QTMAN: variants seen among roughly 807,000 people sequenced by gnomAD.
The protein encoded by QTMAN is queuosine-tRNA mannosyltransferase.
At chr2:144,122,257 A>C in the QTMAN span, among the ~76,000 whole-genome samples, 810 of 152,332 alleles carry the variant, frequency 5.3e-3, 7 homozygotes, top group African/African-American at 0.019. Flanking sequence ...CAGTACTTCT[A>C]TGCAATTTAT....
chr2:144,005,554 G>A, the QTMAN span, among the ~76,000 whole-genome samples: 1 of 151,990 alleles, frequency 6.6e-6, no homozygotes, highest in African/African-American at 2.4e-5. Flanking sequence ...TATATTACCC[G>A]TAAGGATGAA....
the QTMAN span, among the ~76,000 whole-genome samples, chr2:144,202,620 GT>G: frequency 6.6e-6 from 1 of 152,066 alleles, no homozygotes. Flanking sequence ...TTGGGGATGA[GT>G]TTTTTTCCCC....
At chr2:144,158,452 A>C in the QTMAN span, among the ~76,000 whole-genome samples, 2 of 151,874 alleles carry the variant, frequency 1.3e-5, no homozygotes, top group African/African-American at 4.8e-5. Context: ...AGAATGTAAC[A>C]TAAGTGTGTG....
chr2:144,054,544 C>T, the QTMAN span, among the ~76,000 whole-genome samples: 1 of 152,104 alleles, frequency 6.6e-6, no homozygotes, highest in Admixed American at 6.5e-5. Context: ...AGATAAATCA[C>T]AGTTTACTCA....
chr2:143,989,226 A>G, the QTMAN span, among the ~76,000 whole-genome samples: 74 of 151,828 alleles, frequency 4.9e-4, no homozygotes, highest in African/African-American at 1.8e-3. Flanking sequence ...CCTATATTAT[A>G]TAAAAATTTT....
the QTMAN span, among the ~76,000 whole-genome samples, chr2:144,000,530 T>C: frequency 5.3e-3 from 808 of 152,180 alleles, 4 homozygotes; most frequent in Middle Eastern, 0.017. Flanking sequence ...ACAGAACTGG[T>C]TGAATGATCC....
At chr2:144,058,271 CTTTT>C in the QTMAN span, among the ~76,000 whole-genome samples, 1 of 151,860 alleles carries the variant, frequency 6.6e-6, no homozygotes, top group Non-Finnish European at 1.5e-5. Context: ...AGGCTTGATC[CTTTT>C]CTGCTTTCAC....
the QTMAN span, among the ~76,000 whole-genome samples, chr2:144,288,957 C>A: frequency 6.6e-6 from 1 of 151,870 alleles, no homozygotes; most frequent in Admixed American, 6.6e-5. Context: ...AGAACAGATG[C>A]CCTGCTGTAA....
At chr2:144,325,228 G>C in the QTMAN span, among the ~76,000 whole-genome samples, 4 of 152,292 alleles carry the variant, frequency 2.6e-5, no homozygotes, top group Admixed American at 2.6e-4. Context: ...TTGGACAGAG[G>C]AGTGTGGCTT....
the QTMAN span, among the ~76,000 whole-genome samples, chr2:143,977,736 G>A: frequency 6.6e-6 from 1 of 152,138 alleles, no homozygotes; most frequent in African/African-American, 2.4e-5. Flanking sequence ...ATATTGAAAT[G>A]GGCCATGATA....
At chr2:143,990,442 A>G in the QTMAN span, among the ~76,000 whole-genome samples, 1 of 152,218 alleles carries the variant, frequency 6.6e-6, no homozygotes, top group Non-Finnish European at 1.5e-5. Context: ...AGGTCAGAGA[A>G]GAGAAAATTA....
the QTMAN span, among the ~76,000 whole-genome samples, chr2:143,989,051 G>A: frequency 6.6e-6 from 1 of 152,034 alleles, no homozygotes; most frequent in Admixed American, 6.5e-5. Context: ...CATTCCTACT[G>A]ATTCACCTCT....
the QTMAN span, among the ~76,000 whole-genome samples, chr2:144,186,282 T>TAC: frequency 1.3e-5 from 2 of 152,204 alleles, no homozygotes; most frequent in African/African-American, 4.8e-5. Flanking sequence ...AGCCATTAGT[T>TAC]ACATCATGCC....
the QTMAN span, among the ~76,000 whole-genome samples, chr2:144,262,973 G>A: frequency 2.1e-5 from 2 of 95,922 alleles, no homozygotes. Flanking sequence ...AGAGGGGAAG[G>A]GAGGAGAGGG....
At chr2:144,239,887 T>C in the QTMAN span, among the ~76,000 whole-genome samples, 1 of 152,198 alleles carries the variant, frequency 6.6e-6, no homozygotes, top group Non-Finnish European at 1.5e-5. Context: ...ATCTAGCCTC[T>C]GGGCATATTT....
the QTMAN span, among the ~76,000 whole-genome samples, chr2:144,145,250 G>T: frequency 6.6e-6 from 1 of 151,800 alleles, no homozygotes; most frequent in Non-Finnish European, 1.5e-5. Flanking sequence ...TTGACTAACT[G>T]CACTTTCTAA....
At chr2:144,300,134 A>G in the QTMAN span, among the ~76,000 whole-genome samples, 1 of 152,200 alleles carries the variant, frequency 6.6e-6, no homozygotes, top group Non-Finnish European at 1.5e-5. Flanking sequence ...CCACTGCCTA[A>G]TGGGTACAGT....
chr2:144,304,197 C>T, the QTMAN span, among the ~76,000 whole-genome samples: 22 of 152,310 alleles, frequency 1.4e-4, no homozygotes, highest in African/African-American at 4.8e-4. Flanking sequence ...CAGCATTCAG[C>T]AGAGGATAAA....
chr2:144,265,799 T>C, the QTMAN span, among the ~76,000 whole-genome samples: 3 of 152,220 alleles, frequency 2.0e-5, no homozygotes, highest in Non-Finnish European at 2.9e-5. Flanking sequence ...ATGTCCATTC[T>C]TACTCACATC....
Sources: allele counts gnomAD v4.1 joint callset (sites outside exome capture counted in the v4.1 genomes callset), GRCh38; gene constraint gnomAD v4.1.1; transcripts MANE v1.5; gene names NCBI Gene and HGNC (gene_info 2026-07-23, HGNC 2026-07-21).